The following VANGL2 variants were observed in gnomAD, a reference collection of about 807,000 sequenced individuals.
VANGL2 encodes vang-like protein 2.
A neutral mutation model predicts 50.2 loss-of-function variants in VANGL2; 14 were observed. That is an observed-to-expected ratio of 0.28 (90% CI 0.18 to 0.44). The LOEUF (loss-of-function observed/expected upper bound fraction) is 0.44, where lower values mean the gene tolerates loss of function less well. Ranked by LOEUF, VANGL2 falls within the 20% of genes least tolerant of loss-of-function variation. The pLI is 1.00. For synonymous variants in VANGL2, 295 were observed against 297.2 expected, an observed-to-expected ratio of 0.99 and a Z score of 0.08; for missense variants, 533 against 701.5, an observed-to-expected ratio of 0.76 and a Z score of 2.71.
At chr1:160,408,219 C>G (rs1456166241) in intron 1 of VANGL2, among the ~76,000 whole-genome samples, 1 of 151,516 alleles carries the variant, frequency 6.6e-6, no homozygotes, top group East Asian at 1.9e-4. Flanking sequence ...CCTGCCTAGC[C>G]AGGGTGGGTG....
In VANGL2 at chr1:160,424,043, G is replaced by A; in HGVS notation, c.1074-9G>A. ...TGGGCATCTGGCCCAGTCCCCTCCTGTCCCCTAGGCTTGTAGTGGCGGTGG... is the reference window on the plus strand; with the variant it reads ...TGGGCATCTGGCCCAGTCCCCTCCTATCCCCTAGGCTTGTAGTGGCGGTGG... On this transcript the variant is annotated splice_polypyrimidine_tract_variant and intron_variant, in intron 6 of 7. Transcript: ENST00000368061. 1 of 1,613,922 alleles carries A rather than the reference G, an allele frequency of 6.2e-7. No individual in the cohort carries two copies. Among genetic ancestry groups the A allele is most frequent in the Non-Finnish European group, 8.5e-7 (1 of 1,179,870 alleles).
In VANGL2 at chr1:160,415,679, C is replaced by T. The variant is rs1001909828; in HGVS notation, c.-159C>T. 2 of 821,344 alleles carry T rather than the reference C, an allele frequency of 2.4e-6. No individual in the cohort carries two copies. The highest frequency in any genetic ancestry group is 3.9e-6 in the Non-Finnish European group (2 of 513,504). 50.9% of individuals were successfully genotyped at this position (821,344 alleles called of 1,614,324 possible). A position where few individuals can be genotyped will look rare whatever the true frequency, so the allele number is the denominator to read the frequency against. ...CGCTGGATTTTCTCTGAGACAAGCC[C>T]ACCCGTCCAGCAAAATAGAGTCCCT... On this transcript the variant is annotated 5_prime_UTR_variant, in exon 2 of 8. Transcript: ENST00000368061.
Position 160,419,327 on chromosome 1 carries a change from C to A in VANGL2, c.518C>A (p.Ala173Asp). 2 of 1,609,976 alleles carry A rather than the reference C, an allele frequency of 1.2e-6. No homozygotes were observed. The highest frequency in any genetic ancestry group is 1.7e-6 in the Non-Finnish European group (2 of 1,180,018). The change falls in exon 4 of 8, where the codon GCC becomes GAC. Residue 173 changes from alanine to aspartate, a missense_variant. Physicochemically the swap from Ala to Asp is moderately radical, Grantham distance 126. Transcript: ENST00000368061. The surrounding 1 kb of genome is among the most constrained non-coding windows in gnomAD (Gnocchi z 5.8). ...GCTCTGTTCTTCCGCCGGCCCAAGG[C>A]CTCGCTGCCCCGCGTCTTTGTGCTG... is the stretch of plus-strand genomic sequence containing the variant. The part of the protein sequence containing the change: ...SWALFFRRPK[A>D]SLPRVFVLRA...
rs1253941554 is a variant in VANGL2 at position 160,419,892 on chromosome 1, G to A, written c.800+283G>A. 1.4e-5 allele frequency among the ~76,000 whole-genome samples: 2 copies of A among 142,042 alleles called. No individual in the cohort carries two copies. Among genetic ancestry groups the A allele is most frequent in the Admixed American group, 7.1e-5 (1 of 14,090 alleles). 93.2% of individuals were successfully genotyped at this position (142,042 alleles called of 152,430 possible). ...ATATTAGAGGGGGATGGACCAAAGGGAAGAAATATGGGGGGGTGCACAAAC... is the reference window on the plus strand; with the variant it reads ...ATATTAGAGGGGGATGGACCAAAGGAAAGAAATATGGGGGGGTGCACAAAC... On this transcript the variant is annotated intron_variant, in intron 4 of 7. Coordinates refer to ENST00000368061, the MANE Select transcript of VANGL2 (RefSeq NM_020335.3). This position sits in a 1 kb window ranked among gnomAD's most constrained non-coding sequence, Gnocchi z 5.8.
intron 1 of VANGL2, among the ~76,000 whole-genome samples, chr1:160,410,696 A>ACGCACGCACG (rs1553216168): frequency 6.7e-6 from 1 of 149,338 alleles, no homozygotes; most frequent in South Asian, 2.1e-4. Context: ...ACACACACAC[A>ACGCACGCACG]CACGCACGCA....
At chr1:160,401,149 C>G (rs1019527682) in intron 1 of VANGL2, among the ~76,000 whole-genome samples, 12 of 152,090 alleles carry the variant, frequency 7.9e-5, no homozygotes, top group African/African-American at 2.9e-4. Context: ...GAGCCGGGGA[C>G]TTTCCTGGGC....
intron 1 of VANGL2, among the ~76,000 whole-genome samples, chr1:160,413,992 C>G (rs771156713): frequency 6.6e-6 from 1 of 152,204 alleles, no homozygotes; most frequent in Non-Finnish European, 1.5e-5. Context: ...CCATCTGCTC[C>G]CTTGCTCAGG....
chr1:160,403,147 C>CTT (rs3835478), intron 1 of VANGL2, among the ~76,000 whole-genome samples: 1 of 146,922 alleles, frequency 6.8e-6, no homozygotes. Context: ...TTTAAAAGAC[C>CTT]TTTTTTTTTT....
chr1:160,412,485 G>A (rs1046643661), intron 1 of VANGL2, among the ~76,000 whole-genome samples: 1 of 152,194 alleles, frequency 6.6e-6, no homozygotes, highest in Non-Finnish European at 1.5e-5. Flanking sequence ...AAACTATAAG[G>A]AGGAGTAGGC....
intron 1 of VANGL2, among the ~76,000 whole-genome samples, chr1:160,409,147 C>T (rs1650789566): frequency 6.6e-6 from 1 of 152,204 alleles, no homozygotes; most frequent in Non-Finnish European, 1.5e-5. Flanking sequence ...CCTGTCGTGG[C>T]CCTCTTGCAG....
In VANGL2 at chr1:160,427,703, G is replaced by A. The variant is rs1212167968; in HGVS notation, c.*2325G>A. The stretch of plus-strand genomic sequence containing the variant: ...GTGAACTGCTGTGGGGTGTGCAGCT[G>A]ACTCAGTCCCTCTGAGCAGTTTCCC... On this transcript the variant is annotated 3_prime_UTR_variant, in exon 8 of 8. Transcript: ENST00000368061. 2.6e-5 allele frequency: 4 copies of A among 152,456 alleles called. No individual in the cohort carries two copies. In the East Asian group the frequency reaches 7.7e-4, roughly 29 times the overall value. The allele number at this position is 152,456 out of a possible 1,614,324, so 9.4% of individuals were successfully genotyped here.
chr1:160,425,226 C>A lies in VANGL2; in HGVS notation c.1414C>A (p.Leu472Ile). Residue 472 changes from leucine (L) to isoleucine (I), a missense_variant, in exon 8 of 8, where the codon CTC (leucine) becomes ATC (isoleucine). Transcript: ENST00000368061. ...GAGCGAGGAGCCGGTGACCAACGGC[C>A]TCAAGGATGGCATCGTTTTCCTCTT... The part of the protein sequence containing the change: ...LVSEEPVTNG[L>I]KDGIVFLLKR... 1 of 1,614,152 alleles carries A rather than the reference C, an allele frequency of 6.2e-7. No homozygotes were observed. The highest frequency in any genetic ancestry group is 8.5e-7 in the Non-Finnish European group (1 of 1,180,028).
intron 1 of VANGL2, among the ~76,000 whole-genome samples, chr1:160,404,170 A>G (rs1461472853): frequency 6.6e-6 from 1 of 152,170 alleles, no homozygotes; most frequent in Non-Finnish European, 1.5e-5. Flanking sequence ...GGCCGACCAC[A>G]TTAGGCACTC....
At position 160,419,035 on chromosome 1, in the gene VANGL2, A is replaced by T; in HGVS notation, c.226A>T (p.Thr76Ser). 6.2e-7 allele frequency: 1 copy of T among 1,610,110 alleles called. No homozygotes were observed. The highest frequency in any genetic ancestry group is 8.5e-7 in the Non-Finnish European group (1 of 1,176,930). The change falls in exon 4 of 8, where the codon ACG (threonine) becomes TCG (serine). Residue 76 changes from threonine to serine, a missense_variant. Transcript: ENST00000368061. This position sits in a 1 kb window ranked among gnomAD's most constrained non-coding sequence, Gnocchi z 5.8. ...DNWGETTTVVTGTSEHSISHD... is the reference protein window; with the variant it reads ...DNWGETTTVVSGTSEHSISHD... The stretch of plus-strand genomic sequence containing the variant: ...CTGGGGGGAAACGACGACAGTAGTA[A>T]CGGGCACCTCAGAGCACAGCATCTC...
At position 160,426,259 on chromosome 1, in the gene VANGL2, G is replaced by T. The variant is rs1459007084; in HGVS notation, c.*881G>T. The T allele has an allele frequency of 6.5e-6, 1 of 152,768 alleles. No individual in the cohort carries two copies. Among genetic ancestry groups the T allele is most frequent in the East Asian group, 1.9e-4 (1 of 5,202 alleles). 9.5% of individuals were successfully genotyped at this position (152,768 alleles called of 1,614,324 possible). On this transcript the variant is annotated 3_prime_UTR_variant, in exon 8 of 8. Transcript: ENST00000368061. ...TCCCCGCTCTTCCCAGTGAAGGATG[G>T]TATGTAGACTCCTGTACAGACATAG...
At chr1:160,401,301 C>T (rs889656079) in intron 1 of VANGL2, among the ~76,000 whole-genome samples, 12 of 151,756 alleles carry the variant, frequency 7.9e-5, no homozygotes, top group African/African-American at 2.9e-4. Context: ...GCATACACCC[C>T]TCAGGAGCGT....
chr1:160,412,599 G>A (rs1384676117), intron 1 of VANGL2, among the ~76,000 whole-genome samples: 3 of 152,162 alleles, frequency 2.0e-5, no homozygotes, highest in Non-Finnish European at 2.9e-5. Context: ...TTTTGGAAAG[G>A]CTTATGGTTG....
At position 160,423,015 on chromosome 1, in the gene VANGL2, C is replaced by T. The variant is rs1188397169; in HGVS notation, c.1074-1037C>T. 2.0e-5 allele frequency among the ~76,000 whole-genome samples: 3 copies of T among 151,826 alleles called. 1 individual carries two copies. Among genetic ancestry groups the T allele is most frequent in the Admixed American group, 2.0e-4 (3 of 15,262 alleles). On this transcript the variant is annotated intron_variant, in intron 6 of 7. Coordinates refer to ENST00000368061, the MANE Select transcript of VANGL2 (RefSeq NM_020335.3). Reference sequence around the variant, plus strand: ...CCGCCTCCTGGGTTCAAGTAATTTTCCTGCCTCAGCCTCCCCAGTAGCTGG... The same window carrying T: ...CCGCCTCCTGGGTTCAAGTAATTTTTCTGCCTCAGCCTCCCCAGTAGCTGG...
At chr1:160,416,283 C>CA in intron 3 of VANGL2, 101 bp downstream of exon 3, 1 of 1,591,936 alleles carries the variant, frequency 6.3e-7, no homozygotes. Context: ...AACCTGGTCT[C>CA]AGACAGCCAT....
Sources: allele counts gnomAD v4.1 joint callset (sites outside exome capture counted in the v4.1 genomes callset), GRCh38; gene constraint gnomAD v4.1.1; non-coding constraint Gnocchi (gnomAD v3.1); transcripts MANE v1.5; gene names NCBI Gene and HGNC (gene_info 2026-07-23, HGNC 2026-07-21).